The following ELMO1 variants were observed in gnomAD, a reference collection of about 807,000 sequenced individuals.
The protein encoded by ELMO1 is engulfment and cell motility protein 1.
ELMO1 carries 26 observed loss-of-function variants against 98.9 expected under a neutral mutation model. That is an observed-to-expected ratio of 0.26 (90% CI 0.19 to 0.36). ELMO1 has a LOEUF of 0.36. ELMO1 is among the 10% of genes least tolerant of loss of function. The pLI, the probability that ELMO1 is intolerant of heterozygous loss-of-function variation, is 1.00. For missense variants in ELMO1, 627 were observed against 935.2 expected (o/e 0.67, Z 4.30); for synonymous variants, 346 against 346.0 (o/e 1.00, Z 0.00).
intron 5 of ELMO1, among the ~76,000 whole-genome samples, chr7:37,265,576 G>T (rs764042965): frequency 1.3e-5 from 2 of 152,064 alleles, no homozygotes; most frequent in African/African-American, 2.4e-5. Context: ...CCTGCATGGA[G>T]AGTGTCTCCA....
chr7:36,960,604 C>A (rs1479030629), intron 16 of ELMO1, among the ~76,000 whole-genome samples: 1 of 152,058 alleles, frequency 6.6e-6, no homozygotes, highest in East Asian at 1.9e-4. Context: ...CCCCATCCCC[C>A]CCACTCACTC....
chr7:37,408,569 T>G (rs1185391990), intron 1 of ELMO1, among the ~76,000 whole-genome samples: 1 of 152,166 alleles, frequency 6.6e-6, no homozygotes, highest in Non-Finnish European at 1.5e-5. Flanking sequence ...CAATGGAATA[T>G]TATTCAGCCT....
rs1435433631 is a variant in ELMO1, at chr7:37,225,054, T to C, written c.550-24A>G. The C allele has an allele frequency of 3.1e-6, 5 of 1,613,640 alleles. No individual in the cohort carries two copies. In the African/African-American group the frequency reaches 5.3e-5, roughly 17 times the overall value. On this transcript the variant is annotated intron_variant, in intron 8 of 21. Coordinates refer to ENST00000310758, the MANE Select transcript of ELMO1 (RefSeq NM_014800.11). ...ATCTGAAAATCCAAGTGGGACACAA[T>C]TGACTGCTCGTGGTAAGTAGAGCAG... is the stretch of plus-strand genomic sequence containing the variant.
intron 15 of ELMO1, among the ~76,000 whole-genome samples, chr7:37,095,136 C>T (rs1413139245): frequency 6.6e-6 from 1 of 152,140 alleles, no homozygotes; most frequent in Non-Finnish European, 1.5e-5. Flanking sequence ...CAGAGCAGTA[C>T]CTTGGACACA....
chr7:37,017,669 A>AT (rs1657354683), intron 15 of ELMO1, among the ~76,000 whole-genome samples: 1 of 152,222 alleles, frequency 6.6e-6, no homozygotes. Context: ...AATGAGGGCT[A>AT]TACCCTAGAC....
At position 36,897,327 on chromosome 7, in the gene ELMO1, T is replaced by TGC. The variant is rs1562806039; in HGVS notation, c.1438-2311_1438-2310insGC. 2.2e-4 allele frequency among the ~76,000 whole-genome samples: 30 copies of TGC among 135,346 alleles called. No individual in the cohort carries two copies. In the East Asian group the frequency reaches 6.9e-3, roughly 31 times the overall value. The allele number at this position is 135,346 out of a possible 152,430, so 88.8% of individuals were successfully genotyped here. ...AGTAGTAGGACAAAGAAAACAGACG[T>TGC]GTGTGTGTGTGTGTGTGTGTGTGAA... On this transcript the variant is annotated intron_variant, in intron 16 of 21. Transcript: ENST00000310758.
At chr7:36,952,948 A>G (rs1788098917) in intron 16 of ELMO1, among the ~76,000 whole-genome samples, 1 of 151,142 alleles carries the variant, frequency 6.6e-6, no homozygotes, top group Admixed American at 6.6e-5. Flanking sequence ...TGTGCCAAAT[A>G]ATGGAAGTCA....
chr7:36,995,138 T>C (rs1032451651), intron 16 of ELMO1, among the ~76,000 whole-genome samples: 2 of 152,014 alleles, frequency 1.3e-5, no homozygotes, highest in African/African-American at 2.4e-5. Context: ...AAAAGAAAAA[T>C]ATAATTAATC....
intron 15 of ELMO1, among the ~76,000 whole-genome samples, chr7:37,045,238 C>A (rs1168080669): frequency 6.6e-6 from 1 of 152,186 alleles, no homozygotes; most frequent in East Asian, 1.9e-4. Flanking sequence ...GTATGGACTT[C>A]AGCTACTATT....
chr7:36,855,901 A>C lies in ELMO1; in HGVS notation c.1984-150T>G. ...GTCATTTCATATTTGGCGACATCTC[A>C]ATATAAAGTCGATACTTCTGTTATC... On this transcript the variant is annotated intron_variant, in intron 21 of 21. Transcript: ENST00000310758. The surrounding 1 kb of genome is among the most constrained non-coding windows in gnomAD (Gnocchi z 4.2). The C allele has an allele frequency of 1.5e-5, 13 of 858,544 alleles. No homozygotes were observed. Among genetic ancestry groups the C allele is most frequent in the East Asian group, 2.6e-5 (1 of 38,116 alleles). The allele number at this position is 858,544 out of a possible 1,614,324, so 53.2% of individuals were successfully genotyped here. A position where few individuals can be genotyped will look rare whatever the true frequency, so the allele number is the denominator to read the frequency against.
intron 13 of ELMO1, among the ~76,000 whole-genome samples, chr7:37,188,244 G>A (rs1344190583): frequency 6.6e-6 from 1 of 152,014 alleles, no homozygotes; most frequent in African/African-American, 2.4e-5. Context: ...ATCAAGAAGA[G>A]CTGCAGAAAA....
intron 13 of ELMO1, chr7:37,211,138 G>A (rs573312699): frequency 7.0e-5 from 30 of 429,246 alleles, no homozygotes; most frequent in Middle Eastern, 6.6e-4. Context: ...AACTACTCTC[G>A]GTTACACTTA....
At chr7:37,297,183 T>C (rs1798072173) in intron 4 of ELMO1, among the ~76,000 whole-genome samples, 1 of 152,218 alleles carries the variant, frequency 6.6e-6, no homozygotes, top group Non-Finnish European at 1.5e-5. Context: ...TTCACTGTGC[T>C]CCTATCCATT....
At chr7:37,344,312 G>A (rs568471852) in intron 1 of ELMO1, among the ~76,000 whole-genome samples, 6 of 152,258 alleles carry the variant, frequency 3.9e-5, no homozygotes, top group Admixed American at 6.5e-5. Flanking sequence ...GATTGCAGGC[G>A]TGAGCCACCG....
intron 7 of ELMO1, among the ~76,000 whole-genome samples, chr7:37,235,161 G>A (rs1794394076): frequency 6.6e-6 from 1 of 152,064 alleles, no homozygotes; most frequent in East Asian, 1.9e-4. Flanking sequence ...TATTGAGTAA[G>A]GTTAAAGAAA....
chr7:37,259,770 G>A (rs545999674), intron 5 of ELMO1, among the ~76,000 whole-genome samples: 6 of 152,242 alleles, frequency 3.9e-5, no homozygotes, highest in South Asian at 4.2e-4. Context: ...TATACAGCAC[G>A]CTCACCCGTT....
intron 14 of ELMO1, among the ~76,000 whole-genome samples, chr7:37,128,514 T>C (rs759767841): frequency 6.6e-6 from 1 of 150,542 alleles, no homozygotes; most frequent in Non-Finnish European, 1.5e-5. Flanking sequence ...AGATTTGCAA[T>C]TCCTCCTCAT....
chr7:36,905,382 G>T (rs780942535), intron 16 of ELMO1, among the ~76,000 whole-genome samples: 3 of 152,124 alleles, frequency 2.0e-5, no homozygotes, highest in African/African-American at 4.8e-5. Flanking sequence ...CCTGTCCTTG[G>T]TGGGGAGGGG....
chr7:37,130,356 G>A (rs1786829839), intron 14 of ELMO1, among the ~76,000 whole-genome samples: 1 of 152,200 alleles, frequency 6.6e-6, no homozygotes, highest in South Asian at 2.1e-4. Flanking sequence ...CTGAGGGACT[G>A]AGACAAGCAA....
Sources: gnomAD v4.1 joint callset for allele counts (sites outside exome capture counted in the v4.1 genomes callset) on GRCh38, gnomAD v4.1.1 for gene constraint, Gnocchi (gnomAD v3.1) non-coding constraint, MANE v1.5 for transcripts, NCBI Gene and HGNC (gene_info 2026-07-23, HGNC 2026-07-21) for gene names.